The following GRB10 variants were observed in gnomAD, a reference collection of about 807,000 sequenced individuals.
GRB10 encodes growth factor receptor bound protein 10, also known as growth factor receptor-bound protein 10.
In GRB10, 20 loss-of-function variants were observed where a neutral mutation model predicts 80.9. The ratio of observed to expected loss-of-function variants is 0.25; its 90% CI spans 0.17 to 0.36. The LOEUF (loss-of-function observed/expected upper bound fraction) is 0.36, where lower values mean the gene tolerates loss of function less well. Ranked by LOEUF, GRB10 falls within the 10% of genes least tolerant of loss-of-function variation. The pLI, the probability that GRB10 is intolerant of heterozygous loss-of-function variation, is 1.00. For synonymous variants in GRB10, 291 were observed against 291.5 expected, an observed-to-expected ratio of 1.00 and a Z score of 0.02; for missense variants, 548 against 747.7, an observed-to-expected ratio of 0.73 and a Z score of 3.12.
intron 4 of GRB10, among the ~76,000 whole-genome samples, chr7:50,707,712 C>T (rs1463884054): frequency 6.6e-6 from 1 of 152,174 alleles, no homozygotes; most frequent in African/African-American, 2.4e-5. Context: ...CATGCTACCC[C>T]ACGTATTTCA....
intron 3 of GRB10, among the ~76,000 whole-genome samples, chr7:50,750,588 C>T (rs547986634): frequency 1.5e-4 from 23 of 152,224 alleles, no homozygotes; most frequent in African/African-American, 5.5e-4. Flanking sequence ...GAACGCAGTC[C>T]CACAATTCCA....
intron 3 of GRB10, among the ~76,000 whole-genome samples, chr7:50,735,403 T>C (rs2070628767): frequency 1.3e-5 from 2 of 152,214 alleles, no homozygotes; most frequent in Admixed American, 6.5e-5. Flanking sequence ...TCCCTATCAA[T>C]ATCCTAATGA....
chr7:50,700,814 G>C (rs906454785), intron 5 of GRB10, among the ~76,000 whole-genome samples: 1 of 152,068 alleles, frequency 6.6e-6, no homozygotes, highest in African/African-American at 2.4e-5. Context: ...ATTCACACTG[G>C]GTCAAAGAAC....
intron 2 of GRB10, among the ~76,000 whole-genome samples, chr7:50,778,644 A>ATGG (rs2077953643): frequency 6.6e-6 from 1 of 152,168 alleles, no homozygotes; most frequent in Non-Finnish European, 1.5e-5. Context: ...CCCTACCTCC[A>ATGG]AGGGTAGGGT....
At chr7:50,698,896 C>T (rs1372875742) in intron 5 of GRB10, among the ~76,000 whole-genome samples, 2 of 152,220 alleles carry the variant, frequency 1.3e-5, no homozygotes, top group African/African-American at 2.4e-5. Context: ...GAAAATGTGA[C>T]ATCTGCACTA....
At chr7:50,674,906 G>C (rs1357373328) in intron 5 of GRB10, among the ~76,000 whole-genome samples, 1 of 152,160 alleles carries the variant, frequency 6.6e-6, no homozygotes, top group African/African-American at 2.4e-5. Context: ...CCTGTCTCCA[G>C]GGAGAAGCCA....
intron 13 of GRB10, among the ~76,000 whole-genome samples, chr7:50,610,306 A>C (rs948555715): frequency 6.6e-6 from 1 of 152,256 alleles, no homozygotes; most frequent in African/African-American, 2.4e-5. Context: ...TTTCGATTGC[A>C]TTACAATCCT....
intron 5 of GRB10, among the ~76,000 whole-genome samples, chr7:50,689,768 A>G (rs1348297968): frequency 6.6e-6 from 1 of 152,032 alleles, no homozygotes; most frequent in Non-Finnish European, 1.5e-5. Flanking sequence ...ACCTTGCTAA[A>G]TTGCTTCTGA....
chr7:50,643,082 T>C (rs151199231), intron 7 of GRB10, among the ~76,000 whole-genome samples: 5 of 152,240 alleles, frequency 3.3e-5, no homozygotes, highest in Non-Finnish European at 7.4e-5. Flanking sequence ...GTAATAAGCA[T>C]AGTTTTTTCA....
chr7:50,768,096 C>G (rs911335678), intron 2 of GRB10, among the ~76,000 whole-genome samples: 11 of 152,182 alleles, frequency 7.2e-5, no homozygotes, highest in Admixed American at 5.9e-4. Flanking sequence ...GCTCAAACCT[C>G]TCCCAACACC....
At chr7:50,735,314 C>T (rs371434414) in intron 3 of GRB10, among the ~76,000 whole-genome samples, 21 of 152,216 alleles carry the variant, frequency 1.4e-4, no homozygotes, top group Non-Finnish European at 2.5e-4. Context: ...CATAAATAAA[C>T]GGTAAGACAT....
chr7:50,687,883 T>C (rs2062298293), intron 5 of GRB10, among the ~76,000 whole-genome samples: 1 of 152,204 alleles, frequency 6.6e-6, no homozygotes, highest in Admixed American at 6.5e-5. Context: ...TGCTCACATC[T>C]CCAAGAAGCA....
At chr7:50,609,834 A>G (rs912145617) in intron 13 of GRB10, among the ~76,000 whole-genome samples, 1 of 152,262 alleles carries the variant, frequency 6.6e-6, no homozygotes, top group Non-Finnish European at 1.5e-5. Flanking sequence ...AAATGAGACA[A>G]AAGATTATCT....
intron 10 of GRB10, chr7:50,617,768 C>T: frequency 2.1e-6 from 1 of 468,730 alleles, no homozygotes; most frequent in Non-Finnish European, 3.9e-6. Flanking sequence ...TGGGGTTTCT[C>T]CATGCACCCC....
Position 50,789,270 on chromosome 7 carries a change from A to T in GRB10, c.-294+3954T>A, listed in dbSNP as rs748727169. Among the ~76,000 whole-genome samples, 27 of 152,224 alleles carry T rather than the reference A, an allele frequency of 1.8e-4. 1 individual carries two copies. Among genetic ancestry groups the T allele is most frequent in the Admixed American group, 3.9e-4 (6 of 15,286 alleles). ...CCTTTCTAACCAACCTTATAAATTAATAGCAAGCAGGATATCAAGTCCACA... is the reference window on the plus strand; with the variant it reads ...CCTTTCTAACCAACCTTATAAATTATTAGCAAGCAGGATATCAAGTCCACA... On this transcript the variant is annotated intron_variant, in intron 1 of 16. Transcript: ENST00000335866.
chr7:50,645,656 AAAGC>A, intron 7 of GRB10: 3 of 984,838 alleles, frequency 3.0e-6, no homozygotes, highest in South Asian at 9.4e-5. Flanking sequence ...GGCAGATCTG[AAAGC>A]AAACGCCGTC....
chr7:50,608,836 A>C (rs1489692677), intron 13 of GRB10, among the ~76,000 whole-genome samples: 1 of 151,980 alleles, frequency 6.6e-6, no homozygotes, highest in Non-Finnish European at 1.5e-5. Flanking sequence ...ATGGAAGTGC[A>C]TGCCTGTAGT....
At chr7:50,595,996 ATAAAT>A (rs759929983) in intron 17 of GRB10, among the ~76,000 whole-genome samples, 1 of 152,216 alleles carries the variant, frequency 6.6e-6, no homozygotes, top group Admixed American at 6.5e-5. Context: ...AAATAAGCAA[ATAAAT>A]TAATACGGGA....
At chr7:50,735,052 A>G (rs919606920) in intron 3 of GRB10, among the ~76,000 whole-genome samples, 3 of 152,256 alleles carry the variant, frequency 2.0e-5, no homozygotes, top group Non-Finnish European at 2.9e-5. Context: ...ATAATCTTAT[A>G]TGTAAAAACC....
Sources: gnomAD v4.1 joint callset for allele counts (sites outside exome capture counted in the v4.1 genomes callset) on GRCh38, gnomAD v4.1.1 for gene constraint, MANE v1.5 for transcripts, NCBI Gene and HGNC (gene_info 2026-07-23, HGNC 2026-07-21) for gene names.